Variants in SAMSN1 observed in about 807,000 individuals in gnomAD.
SAMSN1 encodes the protein SAM domain, SH3 domain and nuclear localization signals 1.
Under a neutral mutation model 42.0 loss-of-function variants are expected in SAMSN1, and 31 were observed. That is an observed-to-expected ratio of 0.74 (90% CI 0.55 to 1.00). SAMSN1 has a LOEUF of 1.00. Among genes scored for constraint, SAMSN1 ranks in the 50% least tolerant of loss-of-function variants. SAMSN1 has a pLI of 0.00. For synonymous variants in SAMSN1, 178 were observed against 151.9 expected (o/e 1.17, Z -1.26); for missense variants, 464 against 439.4 (o/e 1.06, Z -0.50).
intron 2 of SAMSN1, among the ~76,000 whole-genome samples, chr21:14,579,009 C>T (rs1187636803): frequency 1.3e-5 from 2 of 151,974 alleles, no homozygotes; most frequent in Non-Finnish European, 2.9e-5. Context: ...AAATAATAAC[C>T]CTGCAATTAC....
At chr21:14,517,344 C>T (rs1028323707) in intron 2 of SAMSN1, among the ~76,000 whole-genome samples, 6 of 151,984 alleles carry the variant, frequency 3.9e-5, no homozygotes, top group African/African-American at 1.5e-4. Context: ...CATTTTATTC[C>T]CTCTTCTTGA....
chr21:14,540,042 A>G (rs1427740796), intron 1 of SAMSN1, among the ~76,000 whole-genome samples: 2 of 152,238 alleles, frequency 1.3e-5, no homozygotes, highest in Admixed American at 6.5e-5. Context: ...GCAATGGGGA[A>G]AGGATTCCCT....
In SAMSN1 at chr21:14,657,174, C is replaced by T. The variant is rs78847430; in HGVS notation, c.24+1574G>A. Among the ~76,000 whole-genome samples the T allele has an allele frequency of 5.9e-5, 9 of 151,754 alleles. 1 individual carries two copies. In the East Asian group the frequency reaches 1.7e-3, roughly 29 times the overall value. On this transcript the variant is annotated intron_variant, in intron 1 of 15. Coordinates refer to the SAMSN1 transcript ENST00000647101. ...TTCCACAAGAAGGAATAAAAAACAC[C>T]TAAGATAATGTTTATTTTTTAAGTA...
intron 2 of SAMSN1, among the ~76,000 whole-genome samples, chr21:14,619,835 T>A (rs566863435): frequency 9.3e-4 from 141 of 152,254 alleles, no homozygotes; most frequent in African/African-American, 3.2e-3. Context: ...AAAGGTATGA[T>A]CTGATGGTAA....
At position 14,517,055 on chromosome 21, in the gene SAMSN1, G is replaced by T; in HGVS notation, c.130-14C>A. The T allele has an allele frequency of 6.3e-7, 1 of 1,589,006 alleles. No individual in the cohort carries two copies. Among genetic ancestry groups the T allele is most frequent in the Non-Finnish European group, 8.5e-7 (1 of 1,169,752 alleles). On this transcript the variant is annotated splice_polypyrimidine_tract_variant and intron_variant, in intron 2 of 7. Coordinates refer to ENST00000400566, the MANE Select transcript of SAMSN1 (RefSeq NM_022136.5). ...TCCTTCATGTGCCTAGTTTAGAATT[G>T]TTTACAAAAGACAAAATAATAAAGC...
chr21:14,596,806 C>T lies in SAMSN1; in HGVS notation c.400-2728G>A, dbSNP rs138544251. Among the ~76,000 whole-genome samples, 271 of 152,182 alleles carry T rather than the reference C, an allele frequency of 1.8e-3. 1 individual carries two copies. Among genetic ancestry groups the T allele is most frequent in the Middle Eastern group, 0.01 (3 of 294 alleles). On this transcript the variant is annotated intron_variant, in intron 6 of 15. Transcript: ENST00000647101. The stretch of plus-strand genomic sequence containing the variant: ...TCAAGCCTTCAGATAACACCTTGAG[C>T]GACACTAACCACCTGAGATTATAAC...
intron 2 of SAMSN1, among the ~76,000 whole-genome samples, chr21:14,560,148 T>G (rs1980899672): frequency 1.3e-5 from 2 of 152,208 alleles, no homozygotes; most frequent in African/African-American, 4.8e-5. Flanking sequence ...GGGTAAATTG[T>G]TAATTTGCCT....
rs1217458665 is a variant in SAMSN1 at position 14,546,210 on chromosome 21, G to T, written c.52C>A (p.Pro18Thr). The T allele has an allele frequency of 1.9e-6, 3 of 1,612,608 alleles. No homozygotes were observed. The highest frequency in any genetic ancestry group is 1.1e-5 in the South Asian group (1 of 91,044). Residue 18 changes from proline (P) to threonine (T), a missense_variant, in exon 1 of 8, where the codon CCA (proline) becomes ACA (threonine). Coordinates refer to ENST00000400566, the MANE Select transcript of SAMSN1 (RefSeq NM_022136.5). ...NVSEKEKHQK[P>T]KRSSSFGNFD... is the part of the protein sequence containing the mutation. ...TATGTATGAAATCACCTTACCTTTGGTTTTTGATGTTTCTCCTTCTCTGAA... is the reference window on the plus strand; with the variant it reads ...TATGTATGAAATCACCTTACCTTTGTTTTTTGATGTTTCTCCTTCTCTGAA...
intron 6 of SAMSN1, among the ~76,000 whole-genome samples, chr21:14,599,798 C>G (rs940845645): frequency 6.6e-6 from 1 of 152,168 alleles, no homozygotes; most frequent in Non-Finnish European, 1.5e-5. Flanking sequence ...TTCCAGCCAT[C>G]ATAATTGTGA....
intron 4 of SAMSN1, chr21:14,612,845 G>C (rs935443354): frequency 2.9e-6 from 2 of 698,640 alleles, no homozygotes; most frequent in South Asian, 3.1e-5. Context: ...AGAATACATC[G>C]TTTACACTTG....
chr21:14,504,467 G>T (rs1301832649), intron 5 of SAMSN1, among the ~76,000 whole-genome samples: 1 of 152,190 alleles, frequency 6.6e-6, no homozygotes, highest in Non-Finnish European at 1.5e-5. Flanking sequence ...GCTCTGGAAA[G>T]TTCCAGCAAC....
At chr21:14,527,455 T>C (rs1024556042) in intron 1 of SAMSN1, among the ~76,000 whole-genome samples, 4 of 152,210 alleles carry the variant, frequency 2.6e-5, no homozygotes, top group African/African-American at 9.6e-5. Flanking sequence ...TCTTCGACAC[T>C]CACGTTTTAT....
At chr21:14,590,456 T>C (rs1982048395) in intron 7 of SAMSN1, among the ~76,000 whole-genome samples, 1 of 152,106 alleles carries the variant, frequency 6.6e-6, no homozygotes, top group Non-Finnish European at 1.5e-5. Flanking sequence ...TATTTTATTT[T>C]ATTTTTTGTA....
At chr21:14,639,257 G>C (rs1305935941) in intron 2 of SAMSN1, among the ~76,000 whole-genome samples, 2 of 152,138 alleles carry the variant, frequency 1.3e-5, no homozygotes, top group Non-Finnish European at 2.9e-5. Flanking sequence ...GAATACCTGA[G>C]ACTGGGTAAT....
intron 2 of SAMSN1, among the ~76,000 whole-genome samples, chr21:14,562,827 G>A (rs568871870): frequency 2.0e-5 from 3 of 152,190 alleles, no homozygotes; most frequent in Non-Finnish European, 1.5e-5. Flanking sequence ...TAATACAGCT[G>A]TAATTTTCTG....
intron 3 of SAMSN1, chr21:14,615,951 A>C (rs534781531): frequency 3.5e-6 from 2 of 568,560 alleles, no homozygotes; most frequent in East Asian, 5.9e-5. Context: ...GGGAACATGA[A>C]GTTTACCAAG....
intron 4 of SAMSN1, among the ~76,000 whole-genome samples, chr21:14,609,870 G>A (rs1271307358): frequency 6.6e-6 from 1 of 152,114 alleles, no homozygotes; most frequent in Non-Finnish European, 1.5e-5. Flanking sequence ...AACATAAATT[G>A]TGAAGATTTC....
intron 6 of SAMSN1, among the ~76,000 whole-genome samples, chr21:14,601,316 T>C (rs1301013952): frequency 6.6e-6 from 1 of 152,184 alleles, no homozygotes; most frequent in Non-Finnish European, 1.5e-5. Context: ...GGGCCTCCAA[T>C]AGCCTCAGGA....
chr21:14,486,394 A>G (rs1351221218), intron 7 of SAMSN1, among the ~76,000 whole-genome samples: 1 of 152,148 alleles, frequency 6.6e-6, no homozygotes, highest in African/African-American at 2.4e-5. Context: ...AAAGATCAAT[A>G]TGGACTCTCA....
Sources: allele counts gnomAD v4.1 joint callset (sites outside exome capture counted in the v4.1 genomes callset), GRCh38; gene constraint gnomAD v4.1.1; transcripts MANE v1.5; gene names NCBI Gene and HGNC (gene_info 2026-07-23, HGNC 2026-07-21).